NTM: variants seen among roughly 807,000 people sequenced by gnomAD.
The protein encoded by NTM is IgLON family member 2.
Under a neutral mutation model 42.1 loss-of-function variants are expected in NTM, and 13 were observed. That is an observed-to-expected ratio of 0.31 (90% CI 0.20 to 0.49). The LOEUF (loss-of-function observed/expected upper bound fraction) is 0.49. Ranked by LOEUF, NTM falls within the 20% of genes least tolerant of loss-of-function variation. The pLI is 0.99. For synonymous variants in NTM, 187 were observed against 179.2 expected (o/e 1.04, Z -0.35); for missense variants, 373 against 452.8 (o/e 0.82, Z 1.60).
intron 1 of NTM, among the ~76,000 whole-genome samples, chr11:131,553,146 A>G (rs533035682): frequency 9.2e-5 from 14 of 152,136 alleles, no homozygotes; most frequent in Non-Finnish European, 1.5e-4. Flanking sequence ...TTTGTAAGGA[A>G]GGGGAATGTT....
At chr11:132,320,527 C>CG (rs1312772362) in intron 7 of NTM, among the ~76,000 whole-genome samples, 13 of 152,330 alleles carry the variant, frequency 8.5e-5, no homozygotes, top group East Asian at 7.7e-4. Flanking sequence ...GAGGGTCCTA[C>CG]CCCACGGAGT....
chr11:131,921,666 C>T (rs2057243796), intron 2 of NTM, among the ~76,000 whole-genome samples: 1 of 152,044 alleles, frequency 6.6e-6, no homozygotes, highest in African/African-American at 2.4e-5. Flanking sequence ...GTTAGATCAC[C>T]CAGTTCCCAG....
At chr11:131,864,632 C>T (rs901848143) in intron 1 of NTM, among the ~76,000 whole-genome samples, 2 of 152,150 alleles carry the variant, frequency 1.3e-5, no homozygotes, top group Non-Finnish European at 2.9e-5. Context: ...CTTTCTTTTT[C>T]ACAGAAACAA....
At chr11:131,401,848 A>ATATATATATATATATG (rs1945271116) in intron 1 of NTM, among the ~76,000 whole-genome samples, 1 of 99,402 alleles carries the variant, frequency 1.0e-5, no homozygotes, top group Non-Finnish European at 2.0e-5. Context: ...ATATATATAT[A>ATATATATATATATATG]TATATATATA....
At chr11:131,471,466 T>C (rs1952435527) in intron 1 of NTM, among the ~76,000 whole-genome samples, 1 of 152,216 alleles carries the variant, frequency 6.6e-6, no homozygotes, top group Non-Finnish European at 1.5e-5. Context: ...TTTGTTGTAA[T>C]AGTTACATGT....
chr11:131,837,767 C>A (rs1229559373), intron 1 of NTM, among the ~76,000 whole-genome samples: 1 of 151,914 alleles, frequency 6.6e-6, no homozygotes, highest in East Asian at 1.9e-4. Flanking sequence ...CGATGCCAGG[C>A]CCCACGCTGG....
chr11:131,557,000 C>CGTGTGTGTTTGTGT (rs1274269869), intron 1 of NTM, among the ~76,000 whole-genome samples: 4 of 151,896 alleles, frequency 2.6e-5, no homozygotes, highest in African/African-American at 7.3e-5. Flanking sequence ...TCTGTGCATG[C>CGTGTGTGTTTGTGT]GTGTGTGTTT....
chr11:131,528,148 CT>C (rs2050764197), intron 1 of NTM, among the ~76,000 whole-genome samples: 1 of 152,164 alleles, frequency 6.6e-6, no homozygotes. Context: ...TATCTTTATG[CT>C]TGTTTTCATT....
At chr11:132,161,625 C>T (rs537583251) in intron 3 of NTM, among the ~76,000 whole-genome samples, 1 of 151,996 alleles carries the variant, frequency 6.6e-6, no homozygotes, top group Non-Finnish European at 1.5e-5. Flanking sequence ...CTTCCTCCCC[C>T]CAACTTTCTT....
intron 4 of NTM, among the ~76,000 whole-genome samples, chr11:132,220,564 A>G (rs2084940949): frequency 6.6e-6 from 1 of 152,234 alleles, no homozygotes; most frequent in South Asian, 2.1e-4. Context: ...TATGAAATCA[A>G]GCCTCATTCT....
intron 1 of NTM, among the ~76,000 whole-genome samples, chr11:131,530,438 A>G (rs1475580497): frequency 1.3e-5 from 2 of 150,364 alleles, no homozygotes; most frequent in African/African-American, 2.5e-5. Context: ...AAAAAAAAAA[A>G]AAAAAGACTG....
At chr11:132,022,510 G>A (rs1319808890) in intron 2 of NTM, among the ~76,000 whole-genome samples, 1 of 152,152 alleles carries the variant, frequency 6.6e-6, no homozygotes, top group African/African-American at 2.4e-5. Context: ...CCCTGCAAAG[G>A]ACACTACCCA....
chr11:132,257,743 C>T (rs1408529209), intron 4 of NTM, among the ~76,000 whole-genome samples: 3 of 152,186 alleles, frequency 2.0e-5, no homozygotes, highest in Non-Finnish European at 4.4e-5. Context: ...CGATTGCTTG[C>T]GATCATCCAA....
intron 1 of NTM, among the ~76,000 whole-genome samples, chr11:131,897,734 C>T (rs2052527076): frequency 6.6e-6 from 1 of 152,128 alleles, no homozygotes; most frequent in African/African-American, 2.4e-5. Context: ...AAACAAAGAC[C>T]AATATTCCAC....
chr11:131,712,231 A>G (rs868088587), intron 1 of NTM, among the ~76,000 whole-genome samples: 44 of 151,360 alleles, frequency 2.9e-4, no homozygotes, highest in African/African-American at 8.2e-4. Context: ...AATGTTTCCA[A>G]TTGTCTTTGG....
At chr11:132,024,564 G>C (rs562747) in intron 2 of NTM, among the ~76,000 whole-genome samples, 2 of 152,036 alleles carry the variant, frequency 1.3e-5, no homozygotes, top group Non-Finnish European at 2.9e-5. Flanking sequence ...ATCCCCAGTT[G>C]GTTGAATCTA....
At chr11:131,741,890 A>G (rs1310131336) in intron 1 of NTM, among the ~76,000 whole-genome samples, 1 of 152,220 alleles carries the variant, frequency 6.6e-6, no homozygotes, top group Non-Finnish European at 1.5e-5. Context: ...AATACTATGT[A>G]GCCATAATAA....
chr11:132,000,889 T>G (rs1012527993), intron 2 of NTM, among the ~76,000 whole-genome samples: 3 of 152,226 alleles, frequency 2.0e-5, no homozygotes, highest in Non-Finnish European at 2.9e-5. Flanking sequence ...GACTTTTTAC[T>G]GGCGTTTATC....
At chr11:132,077,013 G>C (rs910288527) in intron 2 of NTM, among the ~76,000 whole-genome samples, 12 of 152,118 alleles carry the variant, frequency 7.9e-5, no homozygotes, top group African/African-American at 2.9e-4. Context: ...ATTTCTCTAA[G>C]TCACTGACAA....
Sources: gnomAD v4.1 joint callset for allele counts (sites outside exome capture counted in the v4.1 genomes callset) on GRCh38, gnomAD v4.1.1 for gene constraint, MANE v1.5 for transcripts, NCBI Gene and HGNC (gene_info 2026-07-23, HGNC 2026-07-21) for gene names.